DPP6: variants seen among roughly 807,000 people sequenced by gnomAD.
DPP6 encodes the protein A-type potassium channel modulatory protein DPP6.
DPP6 carries 69 observed loss-of-function variants against 122.6 expected under a neutral mutation model. The observed-to-expected ratio is 0.56, with a 90% CI of 0.46 to 0.69. DPP6 has a LOEUF of 0.69. DPP6 is among the 30% of genes least tolerant of loss of function. The pLI is 0.00. For synonymous variants in DPP6, 418 were observed against 433.1 expected, an observed-to-expected ratio of 0.97 and a Z score of 0.43; for missense variants, 928 against 1,116.9, an observed-to-expected ratio of 0.83 and a Z score of 2.41.
intron 1 of DPP6, among the ~76,000 whole-genome samples, chr7:153,893,635 T>C (rs1014641990): frequency 1.3e-5 from 2 of 152,190 alleles, no homozygotes; most frequent in Non-Finnish European, 2.9e-5. Context: ...TTAGGCTCAG[T>C]TTAGATTGTA....
At chr7:153,954,577 G>A (rs1362533970) in intron 1 of DPP6, among the ~76,000 whole-genome samples, 1 of 152,202 alleles carries the variant, frequency 6.6e-6, no homozygotes, top group African/African-American at 2.4e-5. Flanking sequence ...TATTCTGGGT[G>A]TTTTGTGTGA....
chr7:154,060,732 C>T (rs1563151176), intron 1 of DPP6, among the ~76,000 whole-genome samples: 19 of 145,562 alleles, frequency 1.3e-4, no homozygotes, highest in African/African-American at 2.5e-4. Context: ...GAGGCACCCC[C>T]CGCGAGGCAG....
chr7:154,097,486 A>C (rs1340518257), intron 1 of DPP6, among the ~76,000 whole-genome samples: 2 of 152,276 alleles, frequency 1.3e-5, no homozygotes, highest in Non-Finnish European at 2.9e-5. Context: ...AGTAAACTTG[A>C]GAACGTAAAA....
intron 10 of DPP6, among the ~76,000 whole-genome samples, chr7:154,777,078 G>C (rs1796621978): frequency 6.6e-6 from 1 of 152,226 alleles, no homozygotes; most frequent in Non-Finnish European, 1.5e-5. Flanking sequence ...GGAGAGTTAA[G>C]TCTGCTCTTT....
chr7:153,972,303 TG>T (rs1378189359), intron 1 of DPP6, among the ~76,000 whole-genome samples: 2 of 150,930 alleles, frequency 1.3e-5, no homozygotes, highest in African/African-American at 4.9e-5. Context: ...TAGGTTGACC[TG>T]GGGAGTGTCT....
At chr7:154,364,338 G>A (rs1402348530) in intron 1 of DPP6, among the ~76,000 whole-genome samples, 2 of 152,162 alleles carry the variant, frequency 1.3e-5, no homozygotes, top group African/African-American at 4.8e-5. Context: ...CACAGGCAGA[G>A]CACAGCTACA....
chr7:154,370,557 T>A (rs1812570070), intron 1 of DPP6, among the ~76,000 whole-genome samples: 1 of 152,254 alleles, frequency 6.6e-6, no homozygotes, highest in Non-Finnish European at 1.5e-5. Context: ...AAACTCTTCG[T>A]TGATCTTTGT....
intron 1 of DPP6, among the ~76,000 whole-genome samples, chr7:154,420,083 T>TC (rs1484092433): frequency 6.6e-6 from 1 of 152,196 alleles, no homozygotes; most frequent in African/African-American, 2.4e-5. Context: ...TTGCCTGTAA[T>TC]CCCAACACTT....
chr7:154,260,050 G>C lies in DPP6; in HGVS notation c.244-186164G>C, dbSNP rs74907434. Among the ~76,000 whole-genome samples the C allele has an allele frequency of 2.6e-3, 400 of 152,310 alleles. 4 individuals are homozygous for C. The highest frequency in any genetic ancestry group is 0.017 in the Middle Eastern group (5 of 294). Reference sequence around the variant, plus strand: ...GAGGTCCTCTCTAGAGAATTGACATGTGAATCCCGAGGTGCCCAAAAGGAG... The same window carrying C: ...GAGGTCCTCTCTAGAGAATTGACATCTGAATCCCGAGGTGCCCAAAAGGAG... On this transcript the variant is annotated intron_variant, in intron 1 of 25. Transcript: ENST00000377770.
At chr7:154,392,423 A>G (rs1207140558) in intron 1 of DPP6, among the ~76,000 whole-genome samples, 1 of 152,222 alleles carries the variant, frequency 6.6e-6, no homozygotes, top group Non-Finnish European at 1.5e-5. Flanking sequence ...GAAGAAGTAC[A>G]TGACAATACC....
chr7:154,786,885 C>G (rs1003733811), intron 10 of DPP6, among the ~76,000 whole-genome samples: 88 of 152,218 alleles, frequency 5.8e-4, no homozygotes, highest in African/African-American at 1.9e-3. Flanking sequence ...GATGCTTTAC[C>G]TGGAGCTCTG....
At chr7:154,837,340 G>A (rs1303790568) in intron 16 of DPP6, among the ~76,000 whole-genome samples, 5 of 147,950 alleles carry the variant, frequency 3.4e-5, no homozygotes, top group Admixed American at 3.3e-4. Flanking sequence ...TGCATAACAT[G>A]CACACATGCA....
chr7:154,737,347 C>T (rs1842615225), intron 8 of DPP6, among the ~76,000 whole-genome samples: 1 of 152,178 alleles, frequency 6.6e-6, no homozygotes. Flanking sequence ...AATGGCTTAG[C>T]ATTTGCCTAT....
chr7:154,510,387 G>T (rs1406883348), intron 3 of DPP6, among the ~76,000 whole-genome samples: 3 of 152,138 alleles, frequency 2.0e-5, no homozygotes, highest in Non-Finnish European at 4.4e-5. Flanking sequence ...CAAGATCCAA[G>T]ATGATGTAAA....
At chr7:154,463,416 C>G (rs544116451) in intron 2 of DPP6, among the ~76,000 whole-genome samples, 1 of 151,946 alleles carries the variant, frequency 6.6e-6, no homozygotes, top group East Asian at 2.0e-4. Flanking sequence ...ACCGTGTTAG[C>G]CAGGATGGTC....
chr7:153,951,909 G>A (rs138155169), intron 1 of DPP6, among the ~76,000 whole-genome samples: 5,325 of 152,212 alleles, frequency 0.035, 270 homozygotes, highest in African/African-American at 0.12. Context: ...TGGGCGTGGT[G>A]GTGCATGCCT....
At chr7:154,856,345 G>C (rs1802824969) in intron 17 of DPP6, among the ~76,000 whole-genome samples, 1 of 152,174 alleles carries the variant, frequency 6.6e-6, no homozygotes, top group African/African-American at 2.4e-5. Flanking sequence ...AGTCCTTGGG[G>C]CTCCTAAAGC....
At chr7:154,012,949 G>A (rs951102979) in intron 1 of DPP6, among the ~76,000 whole-genome samples, 19 of 152,192 alleles carry the variant, frequency 1.2e-4, no homozygotes, top group African/African-American at 2.4e-4. Flanking sequence ...GCTGTTTCAC[G>A]ACAGGCTGTG....
intron 18 of DPP6, among the ~76,000 whole-genome samples, chr7:154,872,171 C>T (rs1424446438): frequency 3.9e-5 from 6 of 152,216 alleles, no homozygotes; most frequent in Non-Finnish European, 8.8e-5. Flanking sequence ...CCCCTCTAGG[C>T]GGCCCCCTGT....
Sources: allele counts gnomAD v4.1 joint callset (sites outside exome capture counted in the v4.1 genomes callset), GRCh38; gene constraint gnomAD v4.1.1; transcripts MANE v1.5; gene names NCBI Gene and HGNC (gene_info 2026-07-23, HGNC 2026-07-21).